MED13: variants seen among roughly 807,000 people sequenced by gnomAD.
MED13 encodes the protein mediator complex subunit 13.
In MED13, 23 loss-of-function variants were observed where a neutral mutation model predicts 225.2. The ratio of observed to expected loss-of-function variants is 0.10; its 90% CI spans 0.07 to 0.14. The LOEUF is 0.14. Among genes scored for constraint, MED13 ranks in the 10% least tolerant of loss-of-function variants. MED13 has a pLI of 1.00. For missense variants in MED13, 2,197 were observed against 2,594.5 expected (o/e 0.85, Z 3.33); for synonymous variants, 942 against 889.2 (o/e 1.06, Z -1.06).
rs183352971 is a variant in MED13, at chr17:61,962,729, C to T, written c.5064+23G>A. ...ATTAAACTGTTTTACATAATTTTAACTCACAACATCTATCACTCTTACCTG... is the reference window on the plus strand; with the variant it reads ...ATTAAACTGTTTTACATAATTTTAATTCACAACATCTATCACTCTTACCTG... On this transcript the variant is annotated intron_variant, in intron 21 of 29. Transcript: ENST00000397786. 101 of 1,597,140 alleles carry T rather than the reference C, an allele frequency of 6.3e-5. 1 individual carries two copies. The highest frequency in any genetic ancestry group is 3.3e-4 in the Middle Eastern group (2 of 6,032).
intron 9 of MED13, among the ~76,000 whole-genome samples, chr17:62,000,363 ATCCCC>A (rs1419067063): frequency 2.6e-5 from 4 of 152,210 alleles, no homozygotes; most frequent in Non-Finnish European, 5.9e-5. Flanking sequence ...GTTATCAGCA[ATCCCC>A]TCTATTAAGT....
rs756314308 is a variant in MED13 at position 61,962,896 on chromosome 17, A to G, written c.4920T>C (p.Val1640=). 6.2e-7 allele frequency: 1 copy of G among 1,614,130 alleles called. No individual in the cohort carries two copies. The highest frequency in any genetic ancestry group is 1.1e-5 in the South Asian group (1 of 91,082). ...ATGTAAAAGGATCAATTATATAAAC[A>G]ACAATTGCAGGTGGATACGTGACTG... The part of the protein sequence containing the change: ...SHAVTYPPAI[V]VYIIDPFTYE... Residue 1640 remains valine, a synonymous_variant, in exon 21 of 30, where the codon GTT becomes GTC. Transcript: ENST00000397786.
At chr17:61,982,021 G>A (rs1005348824) in intron 16 of MED13, among the ~76,000 whole-genome samples, 177 bp downstream of exon 16, 1 of 151,972 alleles carries the variant, frequency 6.6e-6, no homozygotes, top group African/African-American at 2.4e-5. Flanking sequence ...TACTTTTATT[G>A]GTGAAATTAA....
At chr17:61,998,497 G>T (rs528475644) in intron 9 of MED13, among the ~76,000 whole-genome samples, 3 of 151,864 alleles carry the variant, frequency 2.0e-5, no homozygotes, top group Non-Finnish European at 2.9e-5. Context: ...TCCAGATGAG[G>T]TATGACAGTT....
In MED13 at chr17:61,948,949, G is replaced by A. The variant is rs373563025; in HGVS notation, c.6291+1876C>T. 1.2e-3 allele frequency among the ~76,000 whole-genome samples: 176 copies of A among 150,582 alleles called. 1 individual carries two copies. Among genetic ancestry groups the A allele is most frequent in the African/African-American group, 3.8e-3 (158 of 41,384 alleles). ...AAAAAATACAAAAAATTAGCCGGGCGTAGTGGCGGGCGCCTGTAGTCCCAG... is the reference window on the plus strand; with the variant it reads ...AAAAAATACAAAAAATTAGCCGGGCATAGTGGCGGGCGCCTGTAGTCCCAG... On this transcript the variant is annotated intron_variant, in intron 28 of 29. Transcript: ENST00000397786.
intron 23 of MED13, among the ~76,000 whole-genome samples, chr17:61,959,391 A>C (rs1315717585): frequency 1.3e-5 from 2 of 152,158 alleles, no homozygotes; most frequent in Non-Finnish European, 2.9e-5. Flanking sequence ...TTTGATAATG[A>C]AAAGGGTGGT....
Position 62,015,397 on chromosome 17 carries a change from G to T in MED13, c.1284-4164C>A, listed in dbSNP as rs146321792. ...GTATTATGAACTTTTTAAAAAGAAT[G>T]AATCTGTAAGTGCTAACATGGATAA... On this transcript the variant is annotated intron_variant, in intron 8 of 29. Transcript: ENST00000397786. Among the ~76,000 whole-genome samples, 485 of 152,178 alleles carry T rather than the reference G, an allele frequency of 3.2e-3. 3 individuals are homozygous for T. Among genetic ancestry groups the T allele is most frequent in the Middle Eastern group, 0.014 (4 of 294 alleles).
chr17:61,976,325 C>T (rs547308584), intron 16 of MED13, among the ~76,000 whole-genome samples: 10 of 152,190 alleles, frequency 6.6e-5, no homozygotes, highest in African/African-American at 2.4e-4. Context: ...GTATATAATT[C>T]GATTGATATG....
At chr17:61,996,617 C>A (rs2080349171) in intron 9 of MED13, among the ~76,000 whole-genome samples, 1 of 152,040 alleles carries the variant, frequency 6.6e-6, no homozygotes, top group African/African-American at 2.4e-5. Context: ...TCTGCATGGC[C>A]AACTCGCTCA....
chr17:61,984,900 T>C (rs780925617), intron 13 of MED13, 35 bp from the exon 14 acceptor site: 1 of 1,593,650 alleles, frequency 6.3e-7, no homozygotes, highest in Admixed American at 1.7e-5. Context: ...TTAACATGAC[T>C]AAAAATAGGC....
chr17:62,037,519 G>A (rs2080814031), intron 3 of MED13, among the ~76,000 whole-genome samples: 2 of 150,576 alleles, frequency 1.3e-5, no homozygotes, highest in Admixed American at 6.6e-5. Context: ...ACAAAAATTA[G>A]CCGGAGGTGC....
chr17:62,054,274 C>T (rs2080979604), intron 2 of MED13, among the ~76,000 whole-genome samples: 1 of 151,678 alleles, frequency 6.6e-6, no homozygotes, highest in Admixed American at 6.6e-5. Flanking sequence ...GCACTCCAGC[C>T]TGGGACAGAG....
chr17:61,964,720 G>C (rs574493473), intron 20 of MED13, among the ~76,000 whole-genome samples: 77 of 152,166 alleles, frequency 5.1e-4, no homozygotes, highest in Non-Finnish European at 9.8e-4. Context: ...TGGATCACCT[G>C]AGGTCAGAAG....
At chr17:62,027,351 A>G (rs2080712115) in intron 8 of MED13, among the ~76,000 whole-genome samples, 2 of 152,232 alleles carry the variant, frequency 1.3e-5, no homozygotes, top group South Asian at 4.1e-4. Flanking sequence ...TCCCTATTCA[A>G]TAAATGGTGC....
intron 20 of MED13, among the ~76,000 whole-genome samples, chr17:61,963,202 C>CAAAAAAAAAAAAAAAAAAAAAAAAAAAAA (rs11290002): frequency 1.8e-5 from 1 of 55,770 alleles, no homozygotes; most frequent in Non-Finnish European, 3.0e-5. Flanking sequence ...TTAAATTTAC[C>CAAAAAAAAAAAAAAAAAAAAAAAAAAAAA]AAAAAAAAAA....
chr17:61,963,583 G>C (rs893589251), intron 20 of MED13, among the ~76,000 whole-genome samples: 6 of 152,102 alleles, frequency 3.9e-5, no homozygotes, highest in African/African-American at 1.4e-4. Context: ...TAGGATTACA[G>C]GCATGAGCCA....
chr17:61,998,417 T>G (rs945505625), intron 9 of MED13, among the ~76,000 whole-genome samples: 10 of 152,188 alleles, frequency 6.6e-5, no homozygotes, highest in Non-Finnish European at 1.2e-4. Context: ...TATCCTGAAA[T>G]GTACTCATAT....
At chr17:61,989,831 A>G (rs1384750983) in intron 11 of MED13, among the ~76,000 whole-genome samples, 2 of 152,184 alleles carry the variant, frequency 1.3e-5, no homozygotes, top group Admixed American at 6.5e-5. Context: ...TTTGCTCAAG[A>G]CTGCTTTAGC....
In MED13 at chr17:61,946,583, T is replaced by C. The variant is rs772654173; in HGVS notation, c.6410A>G (p.Tyr2137Cys). 13 of 1,612,982 alleles carry C rather than the reference T, an allele frequency of 8.1e-6. No homozygotes were observed. Among genetic ancestry groups the C allele is most frequent in the Non-Finnish European group, 1.1e-5 (13 of 1,179,788 alleles). The change falls in exon 30 of 30, where the codon TAC (tyrosine) becomes TGC (cysteine). Residue 2137 changes from tyrosine to cysteine, a missense_variant. Transcript: ENST00000397786. ...ACAGGTTAGCCAGGAGAGTGCATTG[T>C]ACTGTTCCAAAACAAACCTGAAAAG... Reference protein sequence around the residue: ...SDVLRFVLEQYNALSWLTCDP... With the variant: ...SDVLRFVLEQCNALSWLTCDP...
Sources: allele counts gnomAD v4.1 joint callset (sites outside exome capture counted in the v4.1 genomes callset), GRCh38; gene constraint gnomAD v4.1.1; transcripts MANE v1.5; gene names NCBI Gene and HGNC (gene_info 2026-07-23, HGNC 2026-07-21).